The following DSC3 variants were observed in gnomAD, a reference collection of about 807,000 sequenced individuals.
DSC3 encodes the protein desmocollin 3.
A neutral mutation model predicts 89.5 loss-of-function variants in DSC3; 97 were observed. That is an observed-to-expected ratio of 1.08 (90% CI 0.92 to 1.28). The LOEUF is 1.28. Ranked by LOEUF, DSC3 falls within the 50% of genes most tolerant of loss-of-function variation. The pLI is 0.00. For synonymous variants in DSC3, 436 were observed against 384.1 expected, an observed-to-expected ratio of 1.14 and a Z score of -1.58; for missense variants, 1,199 against 1,085.3, an observed-to-expected ratio of 1.10 and a Z score of -1.47.
intron 12 of DSC3, among the ~76,000 whole-genome samples, chr18:31,005,872 GTGTC>G (rs1443781721): frequency 6.6e-6 from 1 of 152,130 alleles, no homozygotes; most frequent in Non-Finnish European, 1.5e-5. Context: ...AGCTGGGATT[GTGTC>G]TGTCTTGTTC....
chr18:30,995,955 G>C (rs1354826188), intron 15 of DSC3, among the ~76,000 whole-genome samples: 1 of 103,248 alleles, frequency 9.7e-6, no homozygotes, highest in African/African-American at 3.9e-5. Flanking sequence ...CTCAGCGACA[G>C]AGCAAGACCC....
Position 31,004,215 on chromosome 18 carries a change from A to G in DSC3, c.2040T>C (p.Thr680=), listed in dbSNP as rs769472761. ...ECTHPTQCRA[T]SRSTGVILGK... is the part of the protein sequence containing the mutation. ...CAAGTATTACTCCTGTACTCCTTGAAGTCGCACGACACTGAGTTGGATGAG... is the reference window on the plus strand; with the variant it reads ...CAAGTATTACTCCTGTACTCCTTGAGGTCGCACGACACTGAGTTGGATGAG... The change falls in exon 13 of 16, where the codon ACT becomes ACC. Residue 680 remains threonine, a synonymous_variant. Coordinates refer to ENST00000360428, the MANE Select transcript of DSC3 (RefSeq NM_001941.5). The G allele has an allele frequency of 1.1e-5, 18 of 1,613,910 alleles. No homozygotes were observed. The highest frequency in any genetic ancestry group is 1.5e-5 in the Non-Finnish European group (18 of 1,179,938).
At chr18:31,018,836 A>C (rs1008469292) in intron 7 of DSC3, 36 bp from the exon 8 acceptor site, 2 of 1,606,660 alleles carry the variant, frequency 1.2e-6, no homozygotes, top group Non-Finnish European at 1.7e-6. Context: ...AGTCTTGAAA[A>C]ATTTTTGGTA....
chr18:31,033,984 C>A (rs539283180), intron 1 of DSC3, among the ~76,000 whole-genome samples: 138 of 152,224 alleles, frequency 9.1e-4, no homozygotes, highest in African/African-American at 3.0e-3. Context: ...CTACCACGAT[C>A]GGCTAATTTT....
In DSC3 at chr18:31,014,646, A is replaced by C. The variant is rs548328643; in HGVS notation, c.1263+3425T>G. ...GCAAAGTGTCTGGCATTTAGTAAAT[A>C]ATAAATGTTAGCCATTATTGTTAAT... On this transcript the variant is annotated intron_variant, in intron 9 of 15. Transcript: ENST00000360428. 6.6e-5 allele frequency among the ~76,000 whole-genome samples: 10 copies of C among 152,318 alleles called. No homozygotes were observed. The East Asian group carries it at 1.9e-3, about 29-fold the overall frequency.
chr18:31,032,248 T>G lies in DSC3; in HGVS notation c.98A>C (p.Lys33Thr), dbSNP rs1985815693. 1 of 1,613,650 alleles carries G rather than the reference T, an allele frequency of 6.2e-7. No homozygotes were observed. The highest frequency in any genetic ancestry group is 1.7e-5 in the Admixed American group (1 of 60,012). ...AGAAGGTACATTAAGTATCACCTTT[T>G]TGCAGGCTTCACCAGCACGACTGAA... is the stretch of plus-strand genomic sequence containing the variant. ...VIFSRAGEAC[K>T]KVILNVPSKL... Residue 33 changes from lysine (K) to threonine (T), a missense_variant, in exon 2 of 16, where the codon AAA (lysine) becomes ACA (threonine). By Grantham distance (78) the Lys-to-Thr change is moderately conservative. Transcript: ENST00000360428.
Position 31,025,801 on chromosome 18 carries a change from A to G in DSC3, c.589T>C (p.Cys197Arg). Residue 197 changes from cysteine (C) to arginine (R), a missense_variant, in exon 5 of 16, where the codon TGC (cysteine) becomes CGC (arginine). Physicochemically the swap from Cys to Arg is radical, Grantham distance 180. Transcript: ENST00000360428. ...TCTTCACGATCCACAGGCCGAGTGC[A>G]AAATAGATTTCCAGTGTCTCTTTCT... ...YIERDTGNLFCTRPVDREEYD... is the reference protein window; with the variant it reads ...YIERDTGNLFRTRPVDREEYD... The G allele has an allele frequency of 6.2e-7, 1 of 1,613,302 alleles. No homozygotes were observed. The highest frequency in any genetic ancestry group is 8.5e-7 in the Non-Finnish European group (1 of 1,179,428).
chr18:30,996,767 C>T (rs753079379), intron 15 of DSC3, 24 bp downstream of exon 15: 11 of 1,611,442 alleles, frequency 6.8e-6, no homozygotes, highest in Non-Finnish European at 7.6e-6. Flanking sequence ...AAATTTTAGA[C>T]TCAAAACACC....
At chr18:31,020,022 G>T (rs914082918) in intron 7 of DSC3, among the ~76,000 whole-genome samples, 1 of 152,078 alleles carries the variant, frequency 6.6e-6, no homozygotes, top group Non-Finnish European at 1.5e-5. Context: ...AACGATTCTC[G>T]GAGGAAGTAA....
At chr18:31,001,089 G>GTGTGTATATATATATATATATATATATA (rs141615987) in intron 14 of DSC3, among the ~76,000 whole-genome samples, 25 of 126,028 alleles carry the variant, frequency 2.0e-4, no homozygotes, top group Non-Finnish European at 2.7e-4. Flanking sequence ...TTGTGTGTGT[G>GTGTGTATATATATATATATATATATATA]TATATATATA....
intron 1 of DSC3, among the ~76,000 whole-genome samples, chr18:31,035,141 G>A (rs1455438107): frequency 1.3e-5 from 2 of 151,974 alleles, no homozygotes; most frequent in Admixed American, 6.6e-5. Context: ...AATCAAATAT[G>A]AAACAGATTT....
chr18:31,025,846 G>T lies in DSC3; in HGVS notation c.544C>A (p.Pro182Thr). 1 of 1,612,920 alleles carries T rather than the reference G, an allele frequency of 6.2e-7. No homozygotes were observed. Among genetic ancestry groups the T allele is most frequent in the South Asian group, 1.1e-5 (1 of 91,054 alleles). Residue 182 changes from proline (P) to threonine (T), a missense_variant, in exon 5 of 16, where the codon CCT becomes ACT. Transcript: ENST00000360428. ...SISGRGVDKEPLNLFYIERDT... is the reference protein window; with the variant it reads ...SISGRGVDKETLNLFYIERDT... The stretch of plus-strand genomic sequence containing the variant: ...CTTTCTATATAAAACAAATTTAAAG[G>T]TTCTTTATCAACTCCACGTCCACTT...
chr18:31,000,185 G>A (rs999761586), intron 14 of DSC3, among the ~76,000 whole-genome samples: 2 of 152,116 alleles, frequency 1.3e-5, no homozygotes, highest in African/African-American at 4.8e-5. Context: ...CCGAGACATA[G>A]AAAAGGCTGG....
chr18:31,015,428 C>G (rs1985203138), intron 9 of DSC3, among the ~76,000 whole-genome samples: 1 of 151,840 alleles, frequency 6.6e-6, no homozygotes, highest in South Asian at 2.1e-4. Context: ...ACTCCTTGGA[C>G]AAAAAAACAT....
intron 1 of DSC3, among the ~76,000 whole-genome samples, chr18:31,037,501 A>G (rs1175493226): frequency 6.6e-6 from 1 of 152,220 alleles, no homozygotes; most frequent in Non-Finnish European, 1.5e-5. Context: ...TCTAACTTAA[A>G]GAGAATATTT....
Position 31,031,069 on chromosome 18 carries a change from C to T in DSC3, c.258G>A (p.Ala86=), listed in dbSNP as rs768445572. ...TAAATGATCTTTTCTTATCAGACAGCGCAACAGCCCTGGCTGTGTACACTG... is the reference window on the plus strand; with the variant it reads ...TAAATGATCTTTTCTTATCAGACAGTGCAACAGCCCTGGCTGTGTACACTG... ...DGSVYTARAV[A]LSDKKRSFTI... Residue 86 remains alanine (A), a synonymous_variant, in exon 3 of 16, where the codon GCG becomes GCA. Coordinates refer to ENST00000360428, the MANE Select transcript of DSC3 (RefSeq NM_001941.5). 10 of 1,613,874 alleles carry T rather than the reference C, an allele frequency of 6.2e-6. No individual in the cohort carries two copies. The highest frequency in any genetic ancestry group is 3.3e-5 in the South Asian group (3 of 91,076).
rs1222542700 is a variant in DSC3 at position 30,993,914 on chromosome 18, TAA to T, written c.*259_*260del. On this transcript the variant is annotated 3_prime_UTR_variant, in exon 16 of 16. Transcript: ENST00000360428. ...AGCATATTTATTACTAAAATATCCG[TAA>T]AAAAAAAAAAGAGCAGATGCTTTAG... 3.6e-4 allele frequency: 109 copies of T among 303,080 alleles called. No homozygotes were observed. Among genetic ancestry groups the T allele is most frequent in the Non-Finnish European group, 4.8e-4 (78 of 161,316 alleles). The allele number at this position is 303,080 out of a possible 1,614,324, so 18.8% of individuals were successfully genotyped here.
intron 1 of DSC3, among the ~76,000 whole-genome samples, chr18:31,035,021 C>T (rs747074291): frequency 6.6e-6 from 1 of 152,070 alleles, no homozygotes; most frequent in Non-Finnish European, 1.5e-5. Context: ...TCCACAATCA[C>T]TTCTAGAAAT....
rs1984861417 is a variant in DSC3 at position 31,006,896 on chromosome 18, T to G, written c.1888+11A>C. 6.3e-7 allele frequency: 1 copy of G among 1,578,530 alleles called. No homozygotes were observed. Among genetic ancestry groups the G allele is most frequent in the Non-Finnish European group, 8.7e-7 (1 of 1,151,202 alleles). ...TTCAGAGTTTATAAATCATTATTTT[T>G]TATTAAATACCATTAACTTTGGTGA... On this transcript the variant is annotated intron_variant, in intron 12 of 15. Coordinates refer to ENST00000360428, the MANE Select transcript of DSC3 (RefSeq NM_001941.5).
Sources: gnomAD v4.1 joint callset for allele counts (sites outside exome capture counted in the v4.1 genomes callset) on GRCh38, gnomAD v4.1.1 for gene constraint, MANE v1.5 for transcripts, NCBI Gene and HGNC (gene_info 2026-07-23, HGNC 2026-07-21) for gene names.